Variants in DSCAM observed in about 807,000 individuals in gnomAD.
DSCAM encodes the protein cell adhesion molecule DSCAM.
A neutral mutation model predicts 217.7 loss-of-function variants in DSCAM; 47 were observed. That is an observed-to-expected ratio of 0.22 (90% CI 0.17 to 0.28). The LOEUF is 0.28. Among genes scored for constraint, DSCAM ranks in the 10% least tolerant of loss-of-function variants. The probability of loss-of-function intolerance (pLI) is 1.00; values close to 1 mark genes in which losing one functional copy is unlikely to be tolerated. For synonymous variants in DSCAM, 1,056 were observed against 1,015.3 expected (o/e 1.04, Z -0.76); for missense variants, 2,080 against 2,618.3 (o/e 0.79, Z 4.49).
At chr21:40,367,526 A>G (rs1452472627) in intron 4 of DSCAM, among the ~76,000 whole-genome samples, 1 of 152,206 alleles carries the variant, frequency 6.6e-6, no homozygotes, top group Non-Finnish European at 1.5e-5. Context: ...AAAGCTTGAC[A>G]TGTTAGAAAT....
chr21:40,204,247 G>A (rs570583144), intron 11 of DSCAM, among the ~76,000 whole-genome samples: 1 of 152,316 alleles, frequency 6.6e-6, no homozygotes, highest in East Asian at 1.9e-4. Context: ...GAGCACGTGT[G>A]CAATTCTATG....
At chr21:40,401,881 T>C (rs2075236907) in intron 3 of DSCAM, among the ~76,000 whole-genome samples, 1 of 151,814 alleles carries the variant, frequency 6.6e-6, no homozygotes, top group South Asian at 2.1e-4. Context: ...CCTTCCTCTT[T>C]CTCCAGAAGT....
At chr21:40,291,161 CAAAG>C (rs1285287578) in intron 10 of DSCAM, among the ~76,000 whole-genome samples, 2 of 152,318 alleles carry the variant, frequency 1.3e-5, no homozygotes, top group East Asian at 3.9e-4. Flanking sequence ...GTCCATCACT[CAAAG>C]ACATTCAGAA....
chr21:40,288,719 G>A (rs189296721), intron 10 of DSCAM, among the ~76,000 whole-genome samples: 6 of 152,292 alleles, frequency 3.9e-5, no homozygotes, highest in African/African-American at 4.8e-5. Flanking sequence ...CATGATAATG[G>A]CAATAATGAT....
In DSCAM at chr21:40,084,047, T is replaced by A. The variant is rs148286706; in HGVS notation, c.4133-41A>T. 3.3e-4 allele frequency: 501 copies of A among 1,522,574 alleles called. 3 individuals are homozygous for A. The East Asian group carries it at 0.011, about 32-fold the overall frequency. 94.3% of individuals were successfully genotyped at this position (1,522,574 alleles called of 1,614,324 possible). A position where few individuals can be genotyped will look rare whatever the true frequency, so the allele number is the denominator to read the frequency against. ...TTTTTAGAAAACAAGAATTAGTTTT[T>A]CACATCTTTAACTTTCCTGAACAGT... is the stretch of plus-strand genomic sequence containing the variant. On this transcript the variant is annotated intron_variant, in intron 23 of 32. Coordinates refer to ENST00000400454, the MANE Select transcript of DSCAM (RefSeq NM_001389.5).
At chr21:40,298,247 A>AT (rs1470525260) in intron 9 of DSCAM, among the ~76,000 whole-genome samples, 2 of 151,334 alleles carry the variant, frequency 1.3e-5, no homozygotes, top group African/African-American at 2.4e-5. Flanking sequence ...CGCCCAGGTA[A>AT]TTTTTTTGTA....
chr21:40,762,869 A>G (rs2091349060), intron 1 of DSCAM, among the ~76,000 whole-genome samples: 1 of 152,244 alleles, frequency 6.6e-6, no homozygotes, highest in Non-Finnish European at 1.5e-5. Context: ...ACAGATGCAG[A>G]AAAGGACTGA....
At chr21:40,306,934 T>G (rs926909018) in intron 9 of DSCAM, among the ~76,000 whole-genome samples, 10 of 152,112 alleles carry the variant, frequency 6.6e-5, no homozygotes, top group Admixed American at 5.9e-4. Flanking sequence ...CCAGCTTTGG[T>G]ATCAGGATGA....
intron 3 of DSCAM, among the ~76,000 whole-genome samples, chr21:40,679,386 A>G (rs1332108802): frequency 6.6e-6 from 1 of 152,226 alleles, no homozygotes. Context: ...GTTTAAGAAA[A>G]GGCAAAATCT....
In DSCAM at chr21:40,378,482, G is replaced by A. The variant is rs890904170; in HGVS notation, c.509-9237C>T. Among the ~76,000 whole-genome samples the A allele has an allele frequency of 8.7e-5, 13 of 149,694 alleles. No individual in the cohort carries two copies. In the East Asian group the frequency reaches 2.0e-3, roughly 23 times the overall value. On this transcript the variant is annotated intron_variant, in intron 3 of 32. Coordinates refer to ENST00000400454, the MANE Select transcript of DSCAM (RefSeq NM_001389.5). The stretch of plus-strand genomic sequence containing the variant: ...TTGCAACGTCAAAGATTATCCTATG[G>A]AAAAACTCAGAAGTGCACACTTTGA...
At chr21:40,342,153 T>A (rs1236135483) in intron 6 of DSCAM, among the ~76,000 whole-genome samples, 1 of 152,188 alleles carries the variant, frequency 6.6e-6, no homozygotes, top group African/African-American at 2.4e-5. Context: ...TTTTTGTTTT[T>A]GATTTGTTGT....
intron 16 of DSCAM, 132 bp downstream of exon 16, chr21:40,167,086 G>A (rs565333724): frequency 7.0e-6 from 5 of 711,690 alleles, no homozygotes; most frequent in East Asian, 2.7e-5. Context: ...TTAAGAAAAG[G>A]GCTTTCAACT....
chr21:40,554,196 G>GTTT lies in DSCAM; in HGVS notation c.508+138611_508+138613dup, dbSNP rs113016250. Among the ~76,000 whole-genome samples, 7 of 132,604 alleles carry GTTT rather than the reference G, an allele frequency of 5.3e-5. 1 individual carries two copies. Among genetic ancestry groups the GTTT allele is most frequent in the African/African-American group, 1.1e-4 (4 of 36,696 alleles). The allele number at this position is 132,604 out of a possible 152,430, so 87.0% of individuals were successfully genotyped here. A position where few individuals can be genotyped will look rare whatever the true frequency, so the allele number is the denominator to read the frequency against. On this transcript the variant is annotated intron_variant, in intron 3 of 32. Transcript: ENST00000400454. ...GCCTGGCTGTTTGTTTTGATTGTTA[G>GTTT]TTTTTTTTTTTTTTTTTAATGCGAC...
chr21:40,682,607 G>C (rs1297851769), intron 3 of DSCAM, among the ~76,000 whole-genome samples: 1 of 89,920 alleles, frequency 1.1e-5, no homozygotes, highest in Non-Finnish European at 2.3e-5. Flanking sequence ...AAGAGAGAAA[G>C]AAAGAAAGAG....
At chr21:40,759,668 G>T (rs2091311235) in intron 1 of DSCAM, among the ~76,000 whole-genome samples, 1 of 152,124 alleles carries the variant, frequency 6.6e-6, no homozygotes, top group Non-Finnish European at 1.5e-5. Flanking sequence ...CGGAGCACTT[G>T]CTACGGGAGC....
chr21:40,114,324 A>T (rs2089939944), intron 20 of DSCAM, among the ~76,000 whole-genome samples: 1 of 151,036 alleles, frequency 6.6e-6, no homozygotes, highest in South Asian at 2.1e-4. Flanking sequence ...AGGATTCCCT[A>T]TTTAATATAT....
intron 3 of DSCAM, among the ~76,000 whole-genome samples, chr21:40,558,274 G>A (rs905158278): frequency 4.0e-5 from 6 of 151,674 alleles, no homozygotes; most frequent in South Asian, 2.1e-4. Context: ...GTGAAACCCC[G>A]TCTCTACTAA....
In DSCAM at chr21:40,439,272, C is replaced by A. The variant is rs192755317; in HGVS notation, c.509-70027G>T. Among the ~76,000 whole-genome samples, 22 of 152,328 alleles carry A rather than the reference C, an allele frequency of 1.4e-4. No homozygotes were observed. In the East Asian group the frequency reaches 4.1e-3, roughly 28 times the overall value. On this transcript the variant is annotated intron_variant, in intron 3 of 32. Coordinates refer to ENST00000400454, the MANE Select transcript of DSCAM (RefSeq NM_001389.5). ...TAATATTAGTTCCACAACATATACA[C>A]AGGCAAAACAGAATCAGAACTTAAA...
intron 3 of DSCAM, among the ~76,000 whole-genome samples, chr21:40,686,207 CCACACACA>C (rs758916251): frequency 7.9e-6 from 1 of 126,390 alleles, no homozygotes; most frequent in African/African-American, 2.8e-5. Context: ...AGCACGTACT[CCACACACA>C]CACACACACA....
Sources: gnomAD v4.1 joint callset for allele counts (sites outside exome capture counted in the v4.1 genomes callset) on GRCh38, gnomAD v4.1.1 for gene constraint, MANE v1.5 for transcripts, NCBI Gene and HGNC (gene_info 2026-07-23, HGNC 2026-07-21) for gene names.